The following MED12L variants were observed in gnomAD, a reference collection of about 807,000 sequenced individuals.
The protein encoded by MED12L is mediator of RNA polymerase II transcription subunit 12-like protein.
In MED12L, 60 loss-of-function variants were observed where a neutral mutation model predicts 281.3. That is an observed-to-expected ratio of 0.21 (90% CI 0.17 to 0.26). MED12L has a LOEUF of 0.26. MED12L is among the 10% of genes least tolerant of loss of function. The pLI is 1.00. For synonymous variants in MED12L, 974 were observed against 987.2 expected (o/e 0.99, Z 0.25); for missense variants, 2,146 against 2,680.9 (o/e 0.80, Z 4.41).
intron 16 of MED12L, chr3:151,295,387 A>C: frequency 1.7e-6 from 1 of 580,844 alleles, no homozygotes. Context: ...AGAATTAGTG[A>C]CCTTCTCTCA....
intron 16 of MED12L, among the ~76,000 whole-genome samples, chr3:151,246,908 G>C (rs138166725): frequency 3.6e-4 from 54 of 152,028 alleles, no homozygotes; most frequent in Admixed American, 2.4e-3. Context: ...ACAATGAACT[G>C]AAACAAATTT....
At chr3:151,201,230 C>G (rs575521354) in intron 16 of MED12L, among the ~76,000 whole-genome samples, 1 of 151,660 alleles carries the variant, frequency 6.6e-6, no homozygotes, top group South Asian at 2.1e-4. Flanking sequence ...CACACTCTCT[C>G]TCTCTCTCTC....
At chr3:151,141,166 G>GTTTTTTTTTTTTGTTTGTTTGTTT (rs750239134) in intron 5 of MED12L, among the ~76,000 whole-genome samples, 3 of 98,122 alleles carry the variant, frequency 3.1e-5, no homozygotes, top group African/African-American at 1.1e-4. Flanking sequence ...CGTGCCTGGC[G>GTTTTTTTTTTTTGTTTGTTTGTTT]TTTTTTTTTT....
chr3:151,276,758 C>T (rs557684246), intron 16 of MED12L, among the ~76,000 whole-genome samples: 1 of 152,356 alleles, frequency 6.6e-6, no homozygotes, highest in African/African-American at 2.4e-5. Flanking sequence ...GTCACACCCT[C>T]TGTACCTGCT....
intron 39 of MED12L, among the ~76,000 whole-genome samples, chr3:151,395,922 G>A (rs1714905183): frequency 6.6e-6 from 1 of 152,188 alleles, no homozygotes. Flanking sequence ...GGGCCACTTA[G>A]TGATGATTTT....
intron 16 of MED12L, among the ~76,000 whole-genome samples, chr3:151,244,894 A>G (rs1267621503): frequency 1.3e-5 from 2 of 151,216 alleles, no homozygotes; most frequent in African/African-American, 2.5e-5. Context: ...AGAAAAAAAG[A>G]GAGAAGAATC....
Position 151,193,580 on chromosome 3 carries a change from A to G in MED12L, c.2164A>G (p.Arg722Gly), listed in dbSNP as rs1324065020. ...AGTTAATTGTGAGAAGTTGGTGAAG[A>G]GGGAAAAGCCAAGGGAATTAATTTT... ...MSVNCEKLVK[R>G]EKPRELIFPS... The change falls in exon 16 of 45, where the codon AGG becomes GGG. Residue 722 changes from arginine to glycine, a missense_variant. Arg to Gly is a moderately radical substitution (Grantham distance 125). This residue lies in a region of MED12L where 722 missense variants were observed against 861.2 expected (regional missense o/e 0.84). Coordinates refer to ENST00000687756, the MANE Select transcript of MED12L (RefSeq NM_001393769.1). The G allele has an allele frequency of 1.9e-6, 3 of 1,614,064 alleles. No homozygotes were observed. The highest frequency in any genetic ancestry group is 2.5e-6 in the Non-Finnish European group (3 of 1,179,920).
chr3:151,325,499 T>C (rs1749489143), intron 16 of MED12L, among the ~76,000 whole-genome samples: 1 of 152,162 alleles, frequency 6.6e-6, no homozygotes, highest in Admixed American at 6.5e-5. Context: ...GAACTTAGTA[T>C]TTGTGATTGC....
intron 16 of MED12L, among the ~76,000 whole-genome samples, chr3:151,345,561 A>C (rs1375970326): frequency 2.2e-5 from 3 of 133,850 alleles, no homozygotes; most frequent in Non-Finnish European, 4.6e-5. Flanking sequence ...CTTGTCACCC[A>C]GGCTGGAGTG....
chr3:151,389,935 G>A, intron 37 of MED12L, 44 bp from the exon 38 acceptor site: 1 of 1,596,626 alleles, frequency 6.3e-7, no homozygotes, highest in Non-Finnish European at 8.6e-7. Context: ...TTAGCTGTGT[G>A]ATATGTGGAG....
chr3:151,301,162 CATT>C (rs1745866837), intron 16 of MED12L, among the ~76,000 whole-genome samples: 1 of 152,110 alleles, frequency 6.6e-6, no homozygotes, highest in African/African-American at 2.4e-5. Context: ...GCCAGCATCA[CATT>C]ATTTTTTAAT....
At chr3:151,099,671 T>C (rs2148655613) in intron 2 of MED12L, among the ~76,000 whole-genome samples, 1 of 152,304 alleles carries the variant, frequency 6.6e-6, no homozygotes, top group South Asian at 2.1e-4. Context: ...GTATTGGACT[T>C]GGAAAACTAC....
chr3:151,106,450 A>G (rs1399339073), intron 2 of MED12L, among the ~76,000 whole-genome samples: 1 of 151,658 alleles, frequency 6.6e-6, no homozygotes, highest in Admixed American at 6.6e-5. Flanking sequence ...CTAGGATTAC[A>G]GGCATGAGCC....
intron 5 of MED12L, among the ~76,000 whole-genome samples, chr3:151,129,285 A>G (rs1244650464): frequency 6.6e-6 from 1 of 152,184 alleles, no homozygotes; most frequent in Non-Finnish European, 1.5e-5. Flanking sequence ...AAACAAAAAC[A>G]TGGTCTGAAT....
intron 2 of MED12L, among the ~76,000 whole-genome samples, chr3:151,090,161 G>C (rs564668555): frequency 9.2e-5 from 14 of 152,140 alleles, no homozygotes; most frequent in African/African-American, 3.4e-4. Context: ...CAGTCTGCTT[G>C]GGTTGGGACC....
At chr3:151,112,365 C>G (rs1408201876) in intron 2 of MED12L, among the ~76,000 whole-genome samples, 1 of 151,806 alleles carries the variant, frequency 6.6e-6, no homozygotes, top group Non-Finnish European at 1.5e-5. Context: ...TCTGCAACCT[C>G]CACCTCTCGG....
intron 20 of MED12L, among the ~76,000 whole-genome samples, chr3:151,358,966 T>C (rs1207679512): frequency 6.6e-6 from 1 of 152,176 alleles, no homozygotes; most frequent in Non-Finnish European, 1.5e-5. Context: ...ACAGATTTAT[T>C]ACAGGTTTAT....
intron 16 of MED12L, among the ~76,000 whole-genome samples, chr3:151,208,058 A>C (rs907973213): frequency 1.3e-5 from 2 of 152,204 alleles, no homozygotes; most frequent in Non-Finnish European, 2.9e-5. Flanking sequence ...ACACTTAAGG[A>C]GCTCTTATTT....
In MED12L at chr3:151,367,784, A is replaced by T; in HGVS notation, c.3448+18A>T. 2.5e-6 allele frequency: 4 copies of T among 1,593,702 alleles called. No individual in the cohort carries two copies. Among genetic ancestry groups the T allele is most frequent in the Non-Finnish European group, 3.4e-6 (4 of 1,167,942 alleles). On this transcript the variant is annotated intron_variant, in intron 24 of 44. Transcript: ENST00000687756. ...AGCAGCAGGTAAGGCAGCATCCATGAACATCCGTTGCTCTTTGATTGTTGT... is the reference window on the plus strand; with the variant it reads ...AGCAGCAGGTAAGGCAGCATCCATGTACATCCGTTGCTCTTTGATTGTTGT...
Sources: gnomAD v4.1 joint callset for allele counts (sites outside exome capture counted in the v4.1 genomes callset) on GRCh38, gnomAD v4.1.1 for gene constraint, gnomAD v4.1.1 regional missense constraint, MANE v1.5 for transcripts, NCBI Gene and HGNC (gene_info 2026-07-23, HGNC 2026-07-21) for gene names.